The following PDE8A variants were observed in gnomAD, a reference collection of about 807,000 sequenced individuals.
PDE8A encodes the protein high affinity cAMP-specific and IBMX-insensitive 3',5'-cyclic phosphodiesterase 8A.
A neutral mutation model predicts 105.0 loss-of-function variants in PDE8A; 59 were observed. The observed-to-expected ratio is 0.56, with a 90% confidence interval of 0.46 to 0.70. PDE8A has a LOEUF of 0.70. Ranked by LOEUF, PDE8A falls within the 30% of genes least tolerant of loss-of-function variation. The pLI is 0.00. For missense variants in PDE8A, 1,014 were observed against 1,045.9 expected (o/e 0.97, Z 0.42); for synonymous variants, 355 against 371.9 (o/e 0.95, Z 0.52).
chr15:84,985,255 A>G (rs141258141), intron 1 of PDE8A, among the ~76,000 whole-genome samples: 23 of 152,328 alleles, frequency 1.5e-4, no homozygotes, highest in African/African-American at 5.5e-4. Flanking sequence ...AATGATTCCA[A>G]AGGTACTTTA....
chr15:85,043,436 T>C (rs1027583210), intron 1 of PDE8A, among the ~76,000 whole-genome samples: 2 of 152,180 alleles, frequency 1.3e-5, no homozygotes, highest in African/African-American at 4.8e-5. Flanking sequence ...GATTGCCACA[T>C]TGGATTTGAG....
At chr15:85,065,675 G>T (rs2081212915) in intron 2 of PDE8A, among the ~76,000 whole-genome samples, 1 of 152,200 alleles carries the variant, frequency 6.6e-6, no homozygotes, top group Non-Finnish European at 1.5e-5. Context: ...GCCTTAGGAG[G>T]GTTTCTGATA....
intron 5 of PDE8A, among the ~76,000 whole-genome samples, chr15:85,083,231 C>G (rs2081495528): frequency 6.6e-6 from 1 of 152,192 alleles, no homozygotes. Context: ...ATTTCCTCCT[C>G]CACATGTTCT....
chr15:85,120,930 C>T lies in PDE8A; in HGVS notation c.1868C>T (p.Ala623Val). ...CTGGCCATTTTGTACAATGACACTG[C>T]TGTGCTGGAGAGCCACCATGCGGCC... ...SELAILYNDT[A>V]VLESHHAALA... is the part of the protein sequence containing the mutation. Residue 623 changes from alanine to valine, a missense_variant, in exon 18 of 22, where the codon GCT becomes GTT. By Grantham distance (64) the Ala-to-Val change is moderately conservative. Coordinates refer to ENST00000394553, the MANE Select transcript of PDE8A (RefSeq NM_002605.3). 6.2e-7 allele frequency: 1 copy of T among 1,614,078 alleles called. No homozygotes were observed. Among genetic ancestry groups the T allele is most frequent in the Non-Finnish European group, 8.5e-7 (1 of 1,179,902 alleles).
chr15:85,022,551 T>C (rs2080445871), intron 1 of PDE8A, among the ~76,000 whole-genome samples: 3 of 151,590 alleles, frequency 2.0e-5, no homozygotes, highest in Admixed American at 2.0e-4. Context: ...TTTTTTTTTT[T>C]TTTTTTGAGA....
At chr15:85,057,869 T>G (rs2081086768) in intron 1 of PDE8A, among the ~76,000 whole-genome samples, 1 of 152,222 alleles carries the variant, frequency 6.6e-6, no homozygotes, top group African/African-American at 2.4e-5. Flanking sequence ...CAATACATCC[T>G]TGCATTTCAG....
chr15:85,133,785 A>G (rs1465771254), intron 20 of PDE8A, among the ~76,000 whole-genome samples: 2 of 152,052 alleles, frequency 1.3e-5, no homozygotes, highest in African/African-American at 4.8e-5. Flanking sequence ...CCTTATAGCC[A>G]CCCTGTCTCT....
chr15:85,047,337 C>T (rs1478151990), intron 1 of PDE8A, among the ~76,000 whole-genome samples: 1 of 152,134 alleles, frequency 6.6e-6, no homozygotes, highest in East Asian at 1.9e-4. Flanking sequence ...TCTTTGAGGG[C>T]CCACTGCTGA....
At chr15:85,030,607 C>A (rs1171132067) in intron 1 of PDE8A, among the ~76,000 whole-genome samples, 1 of 152,194 alleles carries the variant, frequency 6.6e-6, no homozygotes, top group East Asian at 1.9e-4. Context: ...CTGACCCTGA[C>A]CCCTCTGCAG....
intron 1 of PDE8A, among the ~76,000 whole-genome samples, chr15:85,049,484 T>C (rs891477770): frequency 6.6e-6 from 1 of 152,274 alleles, no homozygotes; most frequent in Non-Finnish European, 1.5e-5. Flanking sequence ...CTTAGCATAA[T>C]GTTCTTACAG....
chr15:85,102,025 C>T (rs547604949), intron 11 of PDE8A, among the ~76,000 whole-genome samples: 1 of 152,256 alleles, frequency 6.6e-6, no homozygotes, highest in East Asian at 1.9e-4. Flanking sequence ...GAAAATGTTT[C>T]TGGCCAGCCA....
chr15:85,127,989 T>A (rs1474789025), intron 20 of PDE8A, among the ~76,000 whole-genome samples: 1 of 147,532 alleles, frequency 6.8e-6, no homozygotes, highest in African/African-American at 2.5e-5. Context: ...CACATTTATA[T>A]GATCAGTGGC....
At chr15:85,089,930 C>T (rs1275623153) in intron 7 of PDE8A, among the ~76,000 whole-genome samples, 1 of 152,140 alleles carries the variant, frequency 6.6e-6, no homozygotes, top group East Asian at 1.9e-4. Context: ...TGACTTAAGG[C>T]AACATAGCTT....
intron 1 of PDE8A, among the ~76,000 whole-genome samples, chr15:85,038,538 A>G (rs772316193): frequency 2.7e-4 from 41 of 152,214 alleles, no homozygotes; most frequent in Non-Finnish European, 3.2e-4. Context: ...AAAGGAAACA[A>G]TTAGCAGCAT....
At chr15:85,053,219 T>G (rs1419824774) in intron 1 of PDE8A, among the ~76,000 whole-genome samples, 1 of 152,256 alleles carries the variant, frequency 6.6e-6, no homozygotes, top group Non-Finnish European at 1.5e-5. Context: ...TTTTGGTTAC[T>G]GTAGCCTTGC....
chr15:85,036,986 GC>G (rs2080717726), intron 1 of PDE8A, among the ~76,000 whole-genome samples: 2 of 151,944 alleles, frequency 1.3e-5, no homozygotes, highest in Non-Finnish European at 2.9e-5. Context: ...GTGGCAGGCT[GC>G]CCCTGCAACT....
At chr15:85,058,870 C>G (rs1387315161) in intron 1 of PDE8A, among the ~76,000 whole-genome samples, 1 of 151,906 alleles carries the variant, frequency 6.6e-6, no homozygotes, top group Non-Finnish European at 1.5e-5. Context: ...CTTGATTTTT[C>G]TGTATTATCT....
In PDE8A at chr15:85,018,751, T is replaced by C. The variant is rs574175425; in HGVS notation, c.186+36403T>C. Among the ~76,000 whole-genome samples, 3 of 152,344 alleles carry C rather than the reference T, an allele frequency of 2.0e-5. No individual in the cohort carries two copies. The South Asian group carries it at 6.2e-4, about 32-fold the overall frequency. ...ATTCTTTTTTCAAAAAAATCTTTGC[T>C]AATTTGGATGACAAATAGCAAGTTG... On this transcript the variant is annotated intron_variant, in intron 1 of 21. Coordinates refer to ENST00000394553, the MANE Select transcript of PDE8A (RefSeq NM_002605.3).
chr15:85,024,284 A>T (rs987282516), intron 1 of PDE8A, among the ~76,000 whole-genome samples: 7 of 152,130 alleles, frequency 4.6e-5, no homozygotes, highest in Non-Finnish European at 1.0e-4. Flanking sequence ...GAAAGCAGGG[A>T]CTGTATCTTT....
Sources: gnomAD v4.1 joint callset for allele counts (sites outside exome capture counted in the v4.1 genomes callset) on GRCh38, gnomAD v4.1.1 for gene constraint, MANE v1.5 for transcripts, NCBI Gene and HGNC (gene_info 2026-07-23, HGNC 2026-07-21) for gene names.